The following CPT1B variants were observed in gnomAD, a reference collection of about 807,000 sequenced individuals.
CPT1B encodes carnitine palmitoyltransferase 1B.
CPT1B carries 57 observed loss-of-function variants against 92.7 expected under a neutral mutation model. The observed-to-expected ratio is 0.62, with a 90% CI of 0.50 to 0.77. The LOEUF (loss-of-function observed/expected upper bound fraction) is 0.77. Ranked by LOEUF, CPT1B falls within the 30% of genes least tolerant of loss-of-function variation. The pLI is 0.00. For synonymous variants in CPT1B, 398 were observed against 383.5 expected (o/e 1.04, Z -0.44); for missense variants, 983 against 1,017.4 (o/e 0.97, Z 0.46).
chr22:50,572,077 C>T lies in CPT1B; in HGVS notation c.1504G>A (p.Gly502Arg), dbSNP rs781685755. The change falls in exon 13 of 20, where the codon GGG (glycine) becomes AGG (arginine). Residue 502 changes from glycine to arginine, a missense_variant. Coordinates refer to ENST00000312108, the MANE Select transcript of CPT1B (RefSeq NM_152246.3). ...DSFHLGYTET[G>R]HCLGKPNPAL... is the part of the protein sequence containing the mutation. ...GGGTTCGGTTTGCCCAGGCAGTGCC[C>T]GGTCTCCGTGTAGCCCAGGTGGAAG... The T allele has an allele frequency of 3.3e-5, 53 of 1,614,140 alleles. No homozygotes were observed. Among genetic ancestry groups the T allele is most frequent in the South Asian group, 3.1e-4 (28 of 91,082 alleles).
intron 9 of CPT1B, chr22:50,574,068 G>A (rs1603443366): frequency 7.5e-6 from 5 of 668,914 alleles, no homozygotes; most frequent in East Asian, 2.8e-5. Context: ...CCATGGCAGC[G>A]CCGGGTCTGT....
chr22:50,573,375 G>A lies in CPT1B; in HGVS notation c.1166+145C>T, dbSNP rs1407068361. On this transcript the variant is annotated intron_variant, in intron 10 of 19. Coordinates refer to ENST00000312108, the MANE Select transcript of CPT1B (RefSeq NM_152246.3). The surrounding 1 kb of genome is among the most constrained non-coding windows in gnomAD (Gnocchi z 5.0). ...CCACCCGTCAGAGGTAGGTTATGCTGGCTGTCCTGCTGCCATGACCACCAA... is the reference window on the plus strand; with the variant it reads ...CCACCCGTCAGAGGTAGGTTATGCTAGCTGTCCTGCTGCCATGACCACCAA... The A allele has an allele frequency of 8.1e-6, 6 of 743,426 alleles. No homozygotes were observed. The South Asian group carries it at 9.2e-5, about 11-fold the overall frequency. 46.1% of individuals were successfully genotyped at this position (743,426 alleles called of 1,614,324 possible). A position where few individuals can be genotyped will look rare whatever the true frequency, so the allele number is the denominator to read the frequency against.
chr22:50,571,944 T>A (rs2070195300), intron 13 of CPT1B, 62 bp downstream of exon 13: 2 of 1,482,532 alleles, frequency 1.3e-6, no homozygotes, highest in East Asian at 4.5e-5. Context: ...TCAGGCCTCG[T>A]CGGGGCTGTA....
In CPT1B at chr22:50,576,860, C is replaced by A. The variant is rs2070463315; in HGVS notation, c.456G>T (p.Trp152Cys). The A allele has an allele frequency of 6.2e-7, 1 of 1,613,776 alleles. No homozygotes were observed. The highest frequency in any genetic ancestry group is 8.5e-7 in the Non-Finnish European group (1 of 1,180,006). ...CCCTCCACTGGCTGCTGCTCACAGC[C>A]CAGATCCTGGTCAAGTTGCTGGTCT... ...HGKTSNLTRI[W>C]AMCIRLLSSR... is the part of the protein sequence containing the mutation. The change falls in exon 4 of 20, where the codon TGG becomes TGT. Residue 152 changes from tryptophan to cysteine, a missense_variant. By Grantham distance (215) the Trp-to-Cys change is radical. Coordinates refer to ENST00000312108, the MANE Select transcript of CPT1B (RefSeq NM_152246.3).
Position 50,572,972 on chromosome 22 carries a change from C to G in CPT1B, c.1255G>C (p.Val419Leu), listed in dbSNP as rs766739758. Residue 419 changes from valine to leucine, a missense_variant, in exon 11 of 20, where the codon GTG (valine) becomes CTG (leucine). Val to Leu is a conservative substitution (Grantham distance 32). Coordinates refer to ENST00000312108, the MANE Select transcript of CPT1B (RefSeq NM_152246.3). ...GAGTAGGATTCCTCATCCAGGGCCA[C>G]GAAGAAAGCGGCACGCTCGATGGCC... ...LEAIERAAFF[V>L]ALDEESYSYD... The G allele has an allele frequency of 6.2e-7, 1 of 1,613,728 alleles. No homozygotes were observed. The highest frequency in any genetic ancestry group is 8.5e-7 in the Non-Finnish European group (1 of 1,179,868).
chr22:50,577,385 AG>A lies in CPT1B; in HGVS notation c.219del (p.Phe74SerfsTer45), dbSNP rs773830576. On this transcript the variant is annotated frameshift_variant, in exon 3 of 20. Transcript: ENST00000312108. LOFTEE classifies it high-confidence loss of function. ...CCCAAGGAGATGTCCACGTTGCAGA[AG>A]GAGGAACCCACTGTTGCCATGATGA... ...LVVIMATVGS[S>X]FCNVDISLGL... 56 of 1,613,968 alleles carry A rather than the reference AG, an allele frequency of 3.5e-5. No homozygotes were observed. The highest frequency in any genetic ancestry group is 4.7e-5 in the Non-Finnish European group (55 of 1,179,996).
At chr22:50,569,254 G>T in intron 19 of CPT1B, 82 bp downstream of exon 19, 1 of 1,400,052 alleles carries the variant, frequency 7.1e-7, no homozygotes, top group Non-Finnish European at 9.9e-7. Flanking sequence ...ACCTGTGCAC[G>T]GCCACCCCTC....
In CPT1B at chr22:50,570,896, CAAGGA is replaced by C; in HGVS notation, c.2018_2022del (p.Phe673CysfsTer2). On this transcript the variant is annotated frameshift_variant, in exon 16 of 20. Coordinates refer to ENST00000312108, the MANE Select transcript of CPT1B (RefSeq NM_152246.3). LOFTEE classifies it high-confidence loss of function. ...CACCCAACAACGGTGCTGACCTCAG[CAAGGA>C]AAGGAGAGCTGACTCCTAGGTACTT... 6.2e-7 allele frequency: 1 copy of C among 1,613,320 alleles called. No homozygotes were observed. Among genetic ancestry groups the C allele is most frequent in the African/African-American group, 1.3e-5 (1 of 75,046 alleles).
chr22:50,576,391 T>C (rs973479898), intron 5 of CPT1B, 56 bp from the exon 6 acceptor site: 19 of 1,611,726 alleles, frequency 1.2e-5, no homozygotes, highest in Admixed American at 8.3e-5. Flanking sequence ...GCCTCTATCT[T>C]AATCCTCTTC....
At chr22:50,576,503 C>T in intron 5 of CPT1B, 33 bp downstream of exon 5, 1 of 1,592,476 alleles carries the variant, frequency 6.3e-7, no homozygotes, top group Non-Finnish European at 8.6e-7. Context: ...CCAACCTCCC[C>T]TGCCCACTGG....
In CPT1B at chr22:50,574,584, TTGA is replaced by T. The variant is rs769787650; in HGVS notation, c.791_793del (p.Ile264del). 1.7e-5 allele frequency: 28 copies of T among 1,613,982 alleles called. No individual in the cohort carries two copies. The highest frequency in any genetic ancestry group is 2.0e-5 in the Non-Finnish European group (24 of 1,180,016). On this transcript the variant is annotated inframe_deletion, in exon 8 of 20. Coordinates refer to ENST00000312108, the MANE Select transcript of CPT1B (RefSeq NM_152246.3). ...GCGGGCTGCCTGCACGTCTGTATTC[TTGA>T]TGAGCACAAGGTCCTACAGAGGAAC...
In CPT1B at chr22:50,573,180, A is replaced by T. The variant is rs541868822; in HGVS notation, c.1167-120T>A. 4,622 of 769,554 alleles carry T rather than the reference A, an allele frequency of 6.0e-3. 101 individuals are homozygous for T. Among genetic ancestry groups the T allele is most frequent in the Admixed American group, 0.047 (1,758 of 37,018 alleles). 47.7% of individuals were successfully genotyped at this position (769,554 alleles called of 1,614,324 possible). On this transcript the variant is annotated intron_variant, in intron 10 of 19. Coordinates refer to ENST00000312108, the MANE Select transcript of CPT1B (RefSeq NM_152246.3). The surrounding 1 kb of genome is among the most constrained non-coding windows in gnomAD (Gnocchi z 5.0). ...CAGGCTGGACCTGGAGATGGGGGGT[A>T]CCACGCTGGACCTGGAGATGTGGGG...
Position 50,569,682 on chromosome 22 carries a change from G to A in CPT1B, c.2143-14C>T, listed in dbSNP as rs2070065684. ...ATCATCTGCTACCTGAGGGCAACAAGAAGGGTGAAGAAGGCATAAATCAAA... is the reference window on the plus strand; with the variant it reads ...ATCATCTGCTACCTGAGGGCAACAAAAAGGGTGAAGAAGGCATAAATCAAA... On this transcript the variant is annotated splice_polypyrimidine_tract_variant and intron_variant, in intron 17 of 19. Transcript: ENST00000312108. 1 of 1,586,312 alleles carries A rather than the reference G, an allele frequency of 6.3e-7. No individual in the cohort carries two copies. The highest frequency in any genetic ancestry group is 1.1e-5 in the South Asian group (1 of 90,496).
In CPT1B at chr22:50,573,548, T is replaced by C. The variant is rs563163300; in HGVS notation, c.1138A>G (p.Lys380Glu). Residue 380 changes from lysine to glutamate, a missense_variant, in exon 10 of 20, where the codon AAG (lysine) becomes GAG (glutamate). Lys to Glu is a moderately conservative substitution (Grantham distance 56). Transcript: ENST00000312108. The surrounding 1 kb of genome is among the most constrained non-coding windows in gnomAD (Gnocchi z 5.0). ...CCTCCTGCAGTGAGGGCTGCCAGCTTCTCCTCCCCAGGCTGAGGTGGGGAG... is the reference window on the plus strand; with the variant it reads ...CCTCCTGCAGTGAGGGCTGCCAGCTCCTCCTCCCCAGGCTGAGGTGGGGAG... Reference protein sequence around the residue: ...DPSPPQPGEEKLAALTAGGRV... With the variant: ...DPSPPQPGEEELAALTAGGRV... 17 of 1,612,696 alleles carry C rather than the reference T, an allele frequency of 1.1e-5. No individual in the cohort carries two copies. In the African/African-American group the frequency reaches 2.1e-4, roughly 20 times the overall value.
intron 7 of CPT1B, chr22:50,574,884 C>T: frequency 2.6e-6 from 1 of 385,606 alleles, no homozygotes; most frequent in South Asian, 3.3e-5. Flanking sequence ...CTCACTGCAG[C>T]CTCAAATTAC....
rs148525939 is a variant in CPT1B at position 50,570,344 on chromosome 22, G to A, written c.2091C>T (p.Phe697=). 2.4e-5 allele frequency: 39 copies of A among 1,607,866 alleles called. No individual in the cohort carries two copies. The highest frequency in any genetic ancestry group is 1.0e-4 in the Admixed American group (6 of 59,536). The change falls in exon 17 of 20, where the codon TTC becomes TTT. Residue 697 remains phenylalanine, a synonymous_variant. Transcript: ENST00000312108. ...SQIPQSQIRM[F]DPEQHPNHLG... ...GGTGATTGGGGTGCTGCTCTGGGTC[G>A]AACATGCGGATCTGGGATTGGGGGA...
chr22:50,569,792 A>G (rs1188291097), intron 17 of CPT1B, 124 bp from the exon 18 acceptor site: 14 of 801,186 alleles, frequency 1.7e-5, no homozygotes, highest in Non-Finnish European at 2.7e-5. Context: ...TAGACACTGC[A>G]TTTTTCCTGA....
intron 16 of CPT1B, among the ~76,000 whole-genome samples, chr22:50,570,674 T>A (rs1341825485): frequency 6.6e-6 from 1 of 152,214 alleles, no homozygotes; most frequent in Admixed American, 6.5e-5. Flanking sequence ...GTCTGTTCCC[T>A]GTCACAAGGA....
Position 50,577,867 on chromosome 22 carries a change from C to G in CPT1B, c.49G>C (p.Asp17His). ...AVAFQFTVTP[D>H]GVDFRLSREA... ...CGACTGAGCCGGAAGTCGACCCCGT[C>G]TGGGGTCACCGTGAACTGGAAGGCC... Residue 17 changes from aspartate to histidine, a missense_variant, in exon 2 of 20, where the codon GAC becomes CAC. Transcript: ENST00000312108. 1.2e-6 allele frequency: 2 copies of G among 1,613,516 alleles called. No individual in the cohort carries two copies. Among genetic ancestry groups the G allele is most frequent in the Non-Finnish European group, 1.7e-6 (2 of 1,179,832 alleles).
Sources: gnomAD v4.1 joint callset for allele counts (sites outside exome capture counted in the v4.1 genomes callset) on GRCh38, gnomAD v4.1.1 for gene constraint, Gnocchi (gnomAD v3.1) non-coding constraint, MANE v1.5 for transcripts, NCBI Gene and HGNC (gene_info 2026-07-23, HGNC 2026-07-21) for gene names.